Variants in CALCR observed in about 807,000 individuals in gnomAD.
CALCR encodes calcitonin receptor.
A neutral mutation model predicts 59.5 loss-of-function variants in CALCR; 47 were observed. The observed-to-expected ratio is 0.79, with a 90% CI of 0.63 to 1.01. The LOEUF is 1.01. Among genes scored for constraint, CALCR ranks in the 50% least tolerant of loss-of-function variants. The pLI is 0.00. For missense variants in CALCR, 566 were observed against 597.1 expected (o/e 0.95, Z 0.54); for synonymous variants, 213 against 211.3 (o/e 1.01, Z -0.07).
At chr7:93,492,574 A>G (rs1801106346) in intron 2 of CALCR, among the ~76,000 whole-genome samples, 1 of 151,414 alleles carries the variant, frequency 6.6e-6, no homozygotes, top group Non-Finnish European at 1.5e-5. Flanking sequence ...GTAAATTAGA[A>G]GCATACACGC....
chr7:93,484,774 T>C (rs1339987278), intron 3 of CALCR, among the ~76,000 whole-genome samples: 1 of 151,760 alleles, frequency 6.6e-6, no homozygotes, highest in Non-Finnish European at 1.5e-5. Flanking sequence ...CTAATTTTTA[T>C]GTCTTTGTTA....
At chr7:93,487,825 T>G (rs1800982430) in intron 2 of CALCR, among the ~76,000 whole-genome samples, 1 of 151,066 alleles carries the variant, frequency 6.6e-6, no homozygotes, top group East Asian at 2.0e-4. Context: ...GTATTACCCA[T>G]AGAATTTACC....
At chr7:93,549,279 AT>A (rs34709932) in intron 2 of CALCR, among the ~76,000 whole-genome samples, 13,297 of 151,220 alleles carry the variant, frequency 0.088, 657 homozygotes, top group African/African-American at 0.1. Flanking sequence ...TCTTAGACCA[AT>A]TTTTTTTTGT....
At chr7:93,434,361 A>G in intron 12 of CALCR, 67 bp from the exon 13 acceptor site, 1 of 1,041,218 alleles carries the variant, frequency 9.6e-7, no homozygotes, top group South Asian at 1.3e-5. Flanking sequence ...AGTAAACAAT[A>G]TAATAGACTG....
chr7:93,503,915 T>C (rs989801981), intron 2 of CALCR, among the ~76,000 whole-genome samples: 1 of 152,202 alleles, frequency 6.6e-6, no homozygotes, highest in Non-Finnish European at 1.5e-5. Flanking sequence ...GCTTCATTCA[T>C]GATATCAACA....
chr7:93,448,141 T>C (rs1800039822), intron 8 of CALCR, among the ~76,000 whole-genome samples: 1 of 152,010 alleles, frequency 6.6e-6, no homozygotes, highest in Admixed American at 6.6e-5. Context: ...TTTCAGGGTA[T>C]ACTTAATTCT....
chr7:93,544,596 A>C (rs941483401), intron 2 of CALCR, among the ~76,000 whole-genome samples: 1 of 152,008 alleles, frequency 6.6e-6, no homozygotes, highest in African/African-American at 2.4e-5. Context: ...TTCACACATA[A>C]AAGATTTTAG....
At chr7:93,467,780 C>T (rs1395456717) in intron 7 of CALCR, among the ~76,000 whole-genome samples, 1 of 151,378 alleles carries the variant, frequency 6.6e-6, no homozygotes, top group Admixed American at 6.6e-5. Context: ...TTCTGTGATA[C>T]CACCATGACT....
chr7:93,464,101 C>T (rs911829586), intron 7 of CALCR, among the ~76,000 whole-genome samples: 1 of 151,926 alleles, frequency 6.6e-6, no homozygotes, highest in Non-Finnish European at 1.5e-5. Flanking sequence ...GGTTATAGTT[C>T]ATCTGGTGTA....
intron 13 of CALCR, among the ~76,000 whole-genome samples, chr7:93,429,173 A>G (rs1562923608): frequency 6.6e-6 from 1 of 152,196 alleles, no homozygotes; most frequent in Non-Finnish European, 1.5e-5. Flanking sequence ...TAAACTATTC[A>G]TATAATAACA....
At chr7:93,567,646 A>C (rs1257421986) in intron 2 of CALCR, among the ~76,000 whole-genome samples, 1 of 151,926 alleles carries the variant, frequency 6.6e-6, no homozygotes, top group East Asian at 1.9e-4. Context: ...GGTTTGCTGC[A>C]CTCATCAACT....
intron 2 of CALCR, among the ~76,000 whole-genome samples, chr7:93,524,640 TATTG>T (rs150116397): frequency 0.034 from 5,237 of 152,244 alleles, 97 homozygotes; most frequent in Middle Eastern, 0.065. Context: ...GTCCCATACT[TATTG>T]ATTATGTTCT....
Position 93,447,666 on chromosome 7 carries a change from C to T in CALCR, c.649-3909G>A, listed in dbSNP as rs1800031797. On this transcript the variant is annotated intron_variant, in intron 8 of 13. Transcript: ENST00000426151. ...TAAGCAATTGAAAATCCACCATGAA[C>T]TATTCTTGGCATCATTTGCACTACA... is the stretch of plus-strand genomic sequence containing the variant. Among the ~76,000 whole-genome samples the T allele has an allele frequency of 2.0e-5, 3 of 151,914 alleles. No homozygotes were observed. In the South Asian group the frequency reaches 6.2e-4, roughly 32 times the overall value.
At chr7:93,461,338 T>C (rs942674842) in intron 7 of CALCR, among the ~76,000 whole-genome samples, 4 of 152,164 alleles carry the variant, frequency 2.6e-5, no homozygotes, top group Non-Finnish European at 4.4e-5. Flanking sequence ...GAAGAAAATA[T>C]GTGGCCAGTG....
intron 2 of CALCR, among the ~76,000 whole-genome samples, chr7:93,519,980 T>C (rs1310686874): frequency 6.6e-6 from 1 of 152,074 alleles, no homozygotes; most frequent in East Asian, 1.9e-4. Flanking sequence ...AAATTCTTTA[T>C]AGCAGTATGA....
intron 2 of CALCR, among the ~76,000 whole-genome samples, chr7:93,544,656 T>C (rs1789237883): frequency 6.6e-6 from 1 of 152,194 alleles, no homozygotes. Context: ...GTCTGAGATA[T>C]AGACTCATCT....
intron 2 of CALCR, among the ~76,000 whole-genome samples, chr7:93,568,788 A>T (rs1447608824): frequency 2.0e-5 from 3 of 151,924 alleles, no homozygotes; most frequent in African/African-American, 7.3e-5. Context: ...TGTCTCTTAA[A>T]TTTATATTTC....
chr7:93,497,352 T>C (rs1801230385), intron 2 of CALCR, among the ~76,000 whole-genome samples: 1 of 151,692 alleles, frequency 6.6e-6, no homozygotes, highest in African/African-American at 2.4e-5. Context: ...ATTATGTGTA[T>C]ACATCATCTA....
intron 6 of CALCR, 46 bp from the exon 7 acceptor site, chr7:93,468,852 A>ATTCATTGTT: frequency 8.9e-7 from 1 of 1,128,586 alleles, no homozygotes; most frequent in Non-Finnish European, 1.3e-6. Flanking sequence ...TGAATGATTC[A>ATTCATTGTT]TCAGAGAGAA....
Sources: allele counts gnomAD v4.1 joint callset (sites outside exome capture counted in the v4.1 genomes callset), GRCh38; gene constraint gnomAD v4.1.1; transcripts MANE v1.5; gene names NCBI Gene and HGNC (gene_info 2026-07-23, HGNC 2026-07-21).